TSPAN18: variants seen among roughly 807,000 people sequenced by gnomAD.
TSPAN18 encodes tetraspanin 18.
In TSPAN18, 14 loss-of-function variants were observed where a neutral mutation model predicts 27.3. The ratio of observed to expected loss-of-function variants is 0.51; its 90% CI spans 0.34 to 0.80. TSPAN18 has a LOEUF of 0.80. TSPAN18 is among the 30% of genes least tolerant of loss of function. The pLI is 0.01. For synonymous variants in TSPAN18, 143 were observed against 136.5 expected (o/e 1.05, Z -0.33); for missense variants, 268 against 323.9 (o/e 0.83, Z 1.32).
Position 44,908,829 on chromosome 11 carries a change from A to AAGAAAG in TSPAN18, c.64-875_64-874insGAAAGA, listed in dbSNP as rs765443858. ...AAAGAAAGAAAGAAAGAAAGAAAGA[A>AAGAAAG]AAAGAAAAATGGAGCAGATATTTAT... On this transcript the variant is annotated intron_variant, in intron 4 of 9. Coordinates refer to ENST00000520358, the MANE Select transcript of TSPAN18 (RefSeq NM_130783.5). 2.3e-4 allele frequency among the ~76,000 whole-genome samples: 24 copies of AAGAAAG among 103,372 alleles called. 2 individuals are homozygous for AAGAAAG. Among genetic ancestry groups the AAGAAAG allele is most frequent in the East Asian group, 6.6e-4 (3 of 4,518 alleles). The allele number at this position is 103,372 out of a possible 152,430, so 67.8% of individuals were successfully genotyped here. A position where few individuals can be genotyped will look rare whatever the true frequency, so the allele number is the denominator to read the frequency against.
intron 3 of TSPAN18, among the ~76,000 whole-genome samples, chr11:44,900,222 A>G (rs1251959771): frequency 6.6e-6 from 1 of 152,228 alleles, no homozygotes; most frequent in Non-Finnish European, 1.5e-5. Flanking sequence ...GGGATGGAGC[A>G]GGCAAGCCCT....
At chr11:44,877,124 G>C (rs1359554832) in intron 3 of TSPAN18, among the ~76,000 whole-genome samples, 14 of 152,250 alleles carry the variant, frequency 9.2e-5, no homozygotes, top group Admixed American at 9.2e-4. Context: ...GGAAGTCCCT[G>C]GGCCTGTCAG....
chr11:44,794,972 T>C (rs1462583680), intron 2 of TSPAN18, among the ~76,000 whole-genome samples: 1 of 152,122 alleles, frequency 6.6e-6, no homozygotes, highest in Non-Finnish European at 1.5e-5. Context: ...TGATGCCAGC[T>C]TGGTTGAAGC....
At chr11:44,890,567 C>CA (rs1353737350) in intron 3 of TSPAN18, among the ~76,000 whole-genome samples, 4 of 151,820 alleles carry the variant, frequency 2.6e-5, no homozygotes, top group Admixed American at 2.6e-4. Flanking sequence ...GCTAAAAATA[C>CA]AAAAAATTAG....
intron 2 of TSPAN18, among the ~76,000 whole-genome samples, chr11:44,784,809 G>T (rs1856017484): frequency 6.6e-6 from 1 of 152,178 alleles, no homozygotes; most frequent in African/African-American, 2.4e-5. Flanking sequence ...GGAAATCAAG[G>T]CTCCGGGAGT....
chr11:44,815,161 T>G (rs1856795291), intron 2 of TSPAN18, among the ~76,000 whole-genome samples: 1 of 152,204 alleles, frequency 6.6e-6, no homozygotes, highest in Non-Finnish European at 1.5e-5. Flanking sequence ...GGCTCCCACC[T>G]GTAATGTAGG....
At chr11:44,871,827 G>A (rs1414356157) in intron 3 of TSPAN18, among the ~76,000 whole-genome samples, 1 of 152,242 alleles carries the variant, frequency 6.6e-6, no homozygotes, top group East Asian at 1.9e-4. Flanking sequence ...GGACTTGGAG[G>A]CAGGTTCAGA....
At chr11:44,766,108 A>C (rs927396071) in intron 2 of TSPAN18, among the ~76,000 whole-genome samples, 9 of 152,214 alleles carry the variant, frequency 5.9e-5, no homozygotes, top group African/African-American at 2.2e-4. Flanking sequence ...CTCTGTGCCC[A>C]TAGTCAGAAA....
At chr11:44,751,036 G>A (rs533626486) in intron 1 of TSPAN18, among the ~76,000 whole-genome samples, 25 of 152,322 alleles carry the variant, frequency 1.6e-4, no homozygotes, top group Non-Finnish European at 3.5e-4. Flanking sequence ...GAGGGAGTGA[G>A]CTGTTAATTA....
At chr11:44,730,380 A>G (rs1268473764) in intron 1 of TSPAN18, among the ~76,000 whole-genome samples, 2 of 151,962 alleles carry the variant, frequency 1.3e-5, no homozygotes, top group East Asian at 1.9e-4. Flanking sequence ...GGTCTATTTC[A>G]TCAGCCATTG....
At chr11:44,784,093 T>G (rs530511131) in intron 2 of TSPAN18, among the ~76,000 whole-genome samples, 4 of 152,200 alleles carry the variant, frequency 2.6e-5, no homozygotes, top group East Asian at 1.9e-4. Flanking sequence ...AAAATGCAAG[T>G]CATCCCTTGA....
intron 2 of TSPAN18, among the ~76,000 whole-genome samples, chr11:44,850,508 G>A (rs549242391): frequency 6.6e-6 from 1 of 152,168 alleles, no homozygotes; most frequent in East Asian, 1.9e-4. Context: ...TGCCTGGCTT[G>A]GGTTTTTCCA....
intron 2 of TSPAN18, among the ~76,000 whole-genome samples, chr11:44,793,428 A>T (rs1053145308): frequency 1.1e-4 from 17 of 152,280 alleles, no homozygotes; most frequent in South Asian, 2.1e-4. Context: ...GGCTGAGCTA[A>T]GGTGACCAGC....
chr11:44,837,333 G>A (rs1857284012), intron 2 of TSPAN18, among the ~76,000 whole-genome samples: 1 of 152,220 alleles, frequency 6.6e-6, no homozygotes, highest in Non-Finnish European at 1.5e-5. Flanking sequence ...AATGGCAAGG[G>A]ACCTAGAATT....
At chr11:44,866,089 A>G (rs1590603112) in intron 3 of TSPAN18, among the ~76,000 whole-genome samples, 1 of 152,158 alleles carries the variant, frequency 6.6e-6, no homozygotes, top group Non-Finnish European at 1.5e-5. Flanking sequence ...GTTCCTGCTC[A>G]CCTTCTGACA....
At chr11:44,796,943 A>G (rs1565153461) in intron 2 of TSPAN18, among the ~76,000 whole-genome samples, 1 of 152,050 alleles carries the variant, frequency 6.6e-6, no homozygotes, top group South Asian at 2.1e-4. Flanking sequence ...TGGGTTTCCT[A>G]TGGTATTGGC....
At chr11:44,880,315 G>T (rs1333623470) in intron 3 of TSPAN18, among the ~76,000 whole-genome samples, 1 of 152,232 alleles carries the variant, frequency 6.6e-6, no homozygotes, top group East Asian at 1.9e-4. Context: ...AGGGCTGGAA[G>T]CTGTGCCAGT....
intron 2 of TSPAN18, among the ~76,000 whole-genome samples, chr11:44,780,179 C>G (rs1306705060): frequency 1.3e-5 from 2 of 152,168 alleles, no homozygotes; most frequent in Non-Finnish European, 2.9e-5. Context: ...TATGTCCTCC[C>G]TGCCTCTCCC....
chr11:44,766,065 C>G (rs1855561606), intron 2 of TSPAN18, among the ~76,000 whole-genome samples: 1 of 152,222 alleles, frequency 6.6e-6, no homozygotes, highest in Admixed American at 6.5e-5. Context: ...AAGTGCTGCA[C>G]CACTGCCTAA....
Sources: allele counts gnomAD v4.1 joint callset (sites outside exome capture counted in the v4.1 genomes callset), GRCh38; gene constraint gnomAD v4.1.1; transcripts MANE v1.5; gene names NCBI Gene and HGNC (gene_info 2026-07-23, HGNC 2026-07-21).